CSGALNACT2: variants seen among roughly 807,000 people sequenced by gnomAD.
CSGALNACT2 encodes the protein beta 4 GalNAcT-2.
Under a neutral mutation model 55.3 loss-of-function variants are expected in CSGALNACT2, and 35 were observed. That is an observed-to-expected ratio of 0.63 (90% CI 0.48 to 0.84). The LOEUF is 0.84. Ranked by LOEUF, CSGALNACT2 falls within the 40% of genes least tolerant of loss-of-function variation. The pLI is 0.00. For synonymous variants in CSGALNACT2, 196 were observed against 224.9 expected, an observed-to-expected ratio of 0.87 and a Z score of 1.15; for missense variants, 544 against 657.5, an observed-to-expected ratio of 0.83 and a Z score of 1.89.
At chr10:43,166,977 G>A (rs773141155) in intron 5 of CSGALNACT2, 27 bp from the exon 6 acceptor site, 3 of 1,403,054 alleles carry the variant, frequency 2.1e-6, no homozygotes, top group East Asian at 4.6e-5. Context: ...TTCTTTTTAT[G>A]TTACAAACCT....
intron 1 of CSGALNACT2, among the ~76,000 whole-genome samples, chr10:43,147,631 C>G (rs1333386382): frequency 6.6e-6 from 1 of 152,086 alleles, no homozygotes; most frequent in Non-Finnish European, 1.5e-5. Context: ...GAATTACATG[C>G]TAGTGGATGT....
In CSGALNACT2 at chr10:43,158,022, C is replaced by T. The variant is rs1414359420; in HGVS notation, c.662-693C>T. ...CCAGCCTGGTGACAGAGTGAGACTC[C>T]GTCTAAAAAAAAAAAAAAAAAAAAA... On this transcript the variant is annotated intron_variant, in intron 2 of 7. Coordinates refer to ENST00000374466, the MANE Select transcript of CSGALNACT2 (RefSeq NM_018590.5). Among the ~76,000 whole-genome samples, 11 of 140,136 alleles carry T rather than the reference C, an allele frequency of 7.8e-5. No homozygotes were observed. In the South Asian group the frequency reaches 2.2e-3, roughly 28 times the overall value. The allele number at this position is 140,136 out of a possible 152,430, so 91.9% of individuals were successfully genotyped here. A position where few individuals can be genotyped will look rare whatever the true frequency, so the allele number is the denominator to read the frequency against.
At chr10:43,178,454 C>T (rs1479854340) in intron 7 of CSGALNACT2, among the ~76,000 whole-genome samples, 4 of 151,994 alleles carry the variant, frequency 2.6e-5, no homozygotes, top group Non-Finnish European at 5.9e-5. Flanking sequence ...AACCCTGTCT[C>T]TACTAAAAAT....
chr10:43,181,221 C>G (rs1322662363), intron 7 of CSGALNACT2, among the ~76,000 whole-genome samples: 1 of 152,216 alleles, frequency 6.6e-6, no homozygotes, highest in Non-Finnish European at 1.5e-5. Context: ...GTTTTCCTAC[C>G]TGGGTACTGG....
At chr10:43,159,506 TA>T (rs1206265372) in intron 3 of CSGALNACT2, among the ~76,000 whole-genome samples, 1 of 152,102 alleles carries the variant, frequency 6.6e-6, no homozygotes, top group East Asian at 1.9e-4. Context: ...GGCTGGAATT[TA>T]ATGTCTTTTG....
intron 7 of CSGALNACT2, among the ~76,000 whole-genome samples, chr10:43,178,958 C>G (rs1839536381): frequency 6.6e-6 from 1 of 152,054 alleles, no homozygotes; most frequent in Non-Finnish European, 1.5e-5. Context: ...TTCTATTGAT[C>G]TATCCAAGTT....
intron 1 of CSGALNACT2, among the ~76,000 whole-genome samples, chr10:43,142,730 T>G (rs192867003): frequency 6.6e-6 from 1 of 152,236 alleles, no homozygotes; most frequent in Non-Finnish European, 1.5e-5. Flanking sequence ...AATGGACTTA[T>G]GCATATATAG....
intron 6 of CSGALNACT2, among the ~76,000 whole-genome samples, chr10:43,171,219 T>G (rs1453942904): frequency 1.3e-5 from 2 of 152,220 alleles, no homozygotes; most frequent in Non-Finnish European, 2.9e-5. Flanking sequence ...GAACTCTCTT[T>G]ACTGTTTTGC....
At chr10:43,148,329 TC>T (rs1360127695) in intron 1 of CSGALNACT2, among the ~76,000 whole-genome samples, 1 of 152,318 alleles carries the variant, frequency 6.6e-6, no homozygotes, top group East Asian at 1.9e-4. Flanking sequence ...GGAAGTGTTT[TC>T]CTTCAATTTC....
chr10:43,147,220 C>T (rs986885718), intron 1 of CSGALNACT2, among the ~76,000 whole-genome samples: 2 of 151,906 alleles, frequency 1.3e-5, no homozygotes, highest in African/African-American at 2.4e-5. Context: ...CGTGATCCGC[C>T]CGCCTCGGCC....
intron 6 of CSGALNACT2, among the ~76,000 whole-genome samples, chr10:43,168,069 A>C (rs1310320832): frequency 6.6e-6 from 1 of 152,236 alleles, no homozygotes; most frequent in Non-Finnish European, 1.5e-5. Context: ...TTTATAGGGT[A>C]AGTTTTCTAA....
chr10:43,168,195 G>A (rs551514818), intron 6 of CSGALNACT2, among the ~76,000 whole-genome samples: 1 of 152,342 alleles, frequency 6.6e-6, no homozygotes, highest in East Asian at 1.9e-4. Flanking sequence ...GCTCACGCCT[G>A]TAATCCCAGC....
intron 1 of CSGALNACT2, among the ~76,000 whole-genome samples, chr10:43,151,229 T>C (rs1341773101): frequency 6.6e-6 from 1 of 152,232 alleles, no homozygotes; most frequent in Non-Finnish European, 1.5e-5. Context: ...TTATACCTGG[T>C]AATTTTTGTT....
In CSGALNACT2 at chr10:43,155,768, C is replaced by G. The variant is rs747352234; in HGVS notation, c.619C>G (p.Leu207Val). 10 of 1,611,976 alleles carry G rather than the reference C, an allele frequency of 6.2e-6. No individual in the cohort carries two copies. The highest frequency in any genetic ancestry group is 8.5e-6 in the Non-Finnish European group (10 of 1,179,228). ...DDEQEDEEGP[L>V]GEKLIFNEND... Reference sequence around the variant, plus strand: ...TGAACAAGAAGATGAGGAGGGTCCCCTTGGAGAGAAACTGATATTTAATGA... The same window carrying G: ...TGAACAAGAAGATGAGGAGGGTCCCGTTGGAGAGAAACTGATATTTAATGA... Residue 207 changes from leucine (L) to valine (V), a missense_variant, in exon 2 of 8, where the codon CTT becomes GTT. By Grantham distance (32) the Leu-to-Val change is conservative. Coordinates refer to ENST00000374466, the MANE Select transcript of CSGALNACT2 (RefSeq NM_018590.5).
intron 3 of CSGALNACT2, 33 bp from the exon 4 acceptor site, chr10:43,160,461 C>T: frequency 8.8e-7 from 1 of 1,137,048 alleles, no homozygotes; most frequent in Non-Finnish European, 1.3e-6. Context: ...CTCATGTTTT[C>T]TTGAATAAAC....
At chr10:43,139,696 CTT>C (rs1838575889) in intron 1 of CSGALNACT2, among the ~76,000 whole-genome samples, 1 of 152,188 alleles carries the variant, frequency 6.6e-6, no homozygotes, top group Non-Finnish European at 1.5e-5. Context: ...TCTAACTTCT[CTT>C]ATCTGCTTTT....
At chr10:43,160,140 G>A (rs1163116570) in intron 3 of CSGALNACT2, among the ~76,000 whole-genome samples, 1 of 152,208 alleles carries the variant, frequency 6.6e-6, no homozygotes, top group Non-Finnish European at 1.5e-5. Flanking sequence ...CCAGTCTGAA[G>A]ACAAAATAAC....
intron 1 of CSGALNACT2, among the ~76,000 whole-genome samples, chr10:43,150,021 C>T (rs184167299): frequency 1.8e-4 from 27 of 152,234 alleles, no homozygotes; most frequent in Admixed American, 5.2e-4. Context: ...GAGCTGAGAT[C>T]GCGCCATTGC....
intron 3 of CSGALNACT2, 87 bp downstream of exon 3, chr10:43,159,018 T>C (rs2133120107): frequency 1.4e-6 from 1 of 728,282 alleles, no homozygotes; most frequent in East Asian, 2.6e-5. Flanking sequence ...CTTCACCGAT[T>C]ATAATTACTT....
Sources: allele counts gnomAD v4.1 joint callset (sites outside exome capture counted in the v4.1 genomes callset), GRCh38; gene constraint gnomAD v4.1.1; transcripts MANE v1.5; gene names NCBI Gene and HGNC (gene_info 2026-07-23, HGNC 2026-07-21).